The following CERS6 variants were observed in gnomAD, a reference collection of about 807,000 sequenced individuals.
The protein encoded by CERS6 is LAG1 homolog, ceramide synthase 6.
Under a neutral mutation model 56.8 loss-of-function variants are expected in CERS6, and 26 were observed. The ratio of observed to expected loss-of-function variants is 0.46; its 90% confidence interval spans 0.34 to 0.63. The LOEUF (loss-of-function observed/expected upper bound fraction) is 0.63. Ranked by LOEUF, CERS6 falls within the 30% of genes least tolerant of loss-of-function variation. The pLI is 0.01. For synonymous variants in CERS6, 164 were observed against 173.3 expected, an observed-to-expected ratio of 0.95 and a Z score of 0.42; for missense variants, 415 against 467.5, an observed-to-expected ratio of 0.89 and a Z score of 1.04.
chr2:168,556,749 C>T (rs1022625767), intron 2 of CERS6, among the ~76,000 whole-genome samples: 1 of 151,686 alleles, frequency 6.6e-6, no homozygotes, highest in African/African-American at 2.4e-5. Context: ...TATTATGTAC[C>T]TGAAAAATGA....
chr2:168,736,341 T>A lies in CERS6; in HGVS notation c.845+18363T>A, dbSNP rs534852105. ...ATCAGACCCAAGTGGGCTTTTTTTT[T>A]AAAAAGACAGAATCTTGCTCTGTTG... On this transcript the variant is annotated intron_variant, in intron 8 of 9. Transcript: ENST00000305747. 8.2e-4 allele frequency among the ~76,000 whole-genome samples: 125 copies of A among 152,190 alleles called. 1 individual carries two copies. Among genetic ancestry groups the A allele is most frequent in the Middle Eastern group, 3.4e-3 (1 of 294 alleles).
chr2:168,558,525 G>A (rs1695722979), intron 2 of CERS6, among the ~76,000 whole-genome samples: 1 of 152,194 alleles, frequency 6.6e-6, no homozygotes, highest in Admixed American at 6.5e-5. Context: ...GACAAGGGGT[G>A]ATATAATAAT....
At chr2:168,767,603 A>G (rs1684756658) in intron 9 of CERS6, among the ~76,000 whole-genome samples, 1 of 152,126 alleles carries the variant, frequency 6.6e-6, no homozygotes. Flanking sequence ...CACTTTTATG[A>G]TATTTACTTC....
chr2:168,760,766 A>ATTTATTTTTTT lies in CERS6; in HGVS notation c.846-4823_846-4822insATTTTTTTTTT, dbSNP rs1224521892. ...TATTTATTTATTTATTTATTTATTTATTTTTTTGAGACGGAGTCTTGCTCT... is the reference window on the plus strand; with the variant it reads ...TATTTATTTATTTATTTATTTATTTATTTATTTTTTTTTTTTTTGAGACGGAGTCTTGCTCT... On this transcript the variant is annotated intron_variant, in intron 8 of 9. Transcript: ENST00000305747. Among the ~76,000 whole-genome samples the ATTTATTTTTTT allele has an allele frequency of 3.1e-4, 39 of 127,234 alleles. 1 individual carries two copies. The highest frequency in any genetic ancestry group is 8.0e-4 in the African/African-American group (31 of 38,964). 83.5% of individuals were successfully genotyped at this position (127,234 alleles called of 152,430 possible).
chr2:168,581,452 G>A (rs1445916018), intron 3 of CERS6, among the ~76,000 whole-genome samples: 5 of 152,062 alleles, frequency 3.3e-5, no homozygotes, highest in Non-Finnish European at 1.5e-5. Context: ...CTACCCTCAT[G>A]AGTTCTAACT....
chr2:168,549,050 A>T (rs1225846601), intron 2 of CERS6, among the ~76,000 whole-genome samples: 2 of 152,196 alleles, frequency 1.3e-5, no homozygotes, highest in African/African-American at 4.8e-5. Flanking sequence ...CCTCTTAAAA[A>T]AGCAGGTGTG....
chr2:168,612,304 C>T (rs1449814858), intron 3 of CERS6, among the ~76,000 whole-genome samples: 1 of 152,144 alleles, frequency 6.6e-6, no homozygotes, highest in Non-Finnish European at 1.5e-5. Flanking sequence ...ATCTTTCACT[C>T]AGAGTTGAAA....
chr2:168,744,172 A>AT (rs1174283902), intron 8 of CERS6, among the ~76,000 whole-genome samples: 2 of 150,782 alleles, frequency 1.3e-5, no homozygotes, highest in African/African-American at 2.4e-5. Flanking sequence ...CGCCCGGCTA[A>AT]TTTTTTGTAT....
At chr2:168,682,014 A>G (rs1686229714) in intron 4 of CERS6, among the ~76,000 whole-genome samples, 1 of 152,214 alleles carries the variant, frequency 6.6e-6, no homozygotes, top group Non-Finnish European at 1.5e-5. Flanking sequence ...TATACATACC[A>G]TTTTTAAAAT....
intron 1 of CERS6, among the ~76,000 whole-genome samples, chr2:168,535,516 C>G (rs945727549): frequency 2.0e-5 from 3 of 152,064 alleles, no homozygotes; most frequent in African/African-American, 4.8e-5. Flanking sequence ...TGGATCATGC[C>G]AGCCTCCTAG....
intron 1 of CERS6, among the ~76,000 whole-genome samples, chr2:168,533,964 G>C (rs1695212384): frequency 6.6e-6 from 1 of 151,624 alleles, no homozygotes. Context: ...ATTTCAGTAG[G>C]GCGGTCTTCA....
intron 4 of CERS6, 42 bp downstream of exon 4, chr2:168,631,084 GTATGTCTA>G (rs1463814959): frequency 1.0e-6 from 1 of 964,026 alleles, no homozygotes. Flanking sequence ...TTATGTAAGT[GTATGTCTA>G]TATCCTGGTT....
chr2:168,509,809 C>A (rs1308222383), intron 1 of CERS6, among the ~76,000 whole-genome samples: 1 of 152,028 alleles, frequency 6.6e-6, no homozygotes, highest in African/African-American at 2.4e-5. Context: ...GCCTGTAATC[C>A]CAGCACTGTG....
chr2:168,679,055 C>A (rs1349526539), intron 4 of CERS6, among the ~76,000 whole-genome samples: 1 of 152,084 alleles, frequency 6.6e-6, no homozygotes, highest in Non-Finnish European at 1.5e-5. Flanking sequence ...TGGAGGACAT[C>A]ATGTTAAGCA....
At chr2:168,751,908 T>C (rs1684280778) in intron 8 of CERS6, among the ~76,000 whole-genome samples, 1 of 152,188 alleles carries the variant, frequency 6.6e-6, no homozygotes, top group African/African-American at 2.4e-5. Flanking sequence ...CTCAAAATGC[T>C]CCCTTTGCTT....
intron 2 of CERS6, among the ~76,000 whole-genome samples, chr2:168,557,068 G>A (rs1235916015): frequency 6.6e-6 from 1 of 151,750 alleles, no homozygotes; most frequent in Non-Finnish European, 1.5e-5. Flanking sequence ...GAAGGCTAAG[G>A]TGGGAGGATC....
intron 1 of CERS6, among the ~76,000 whole-genome samples, chr2:168,530,351 A>G (rs1249255424): frequency 2.0e-5 from 3 of 152,240 alleles, no homozygotes; most frequent in Non-Finnish European, 2.9e-5. Context: ...TTACTCAGAC[A>G]TTACAGATTC....
At chr2:168,653,042 G>T (rs1222047716) in intron 4 of CERS6, among the ~76,000 whole-genome samples, 1 of 152,200 alleles carries the variant, frequency 6.6e-6, no homozygotes, top group Admixed American at 6.5e-5. Flanking sequence ...TGCACATGAA[G>T]TCTAGCTTCT....
chr2:168,511,449 G>A (rs1284314829), intron 1 of CERS6, among the ~76,000 whole-genome samples: 4 of 152,018 alleles, frequency 2.6e-5, no homozygotes, highest in African/African-American at 9.7e-5. Context: ...TTCCTTTGTG[G>A]CTGAGGAGAA....
Sources: gnomAD v4.1 joint callset for allele counts (sites outside exome capture counted in the v4.1 genomes callset) on GRCh38, gnomAD v4.1.1 for gene constraint, MANE v1.5 for transcripts, NCBI Gene and HGNC (gene_info 2026-07-23, HGNC 2026-07-21) for gene names.